The following STARD13 variants were observed in gnomAD, a reference collection of about 807,000 sequenced individuals.
STARD13 encodes the protein StAR related lipid transfer domain containing 13.
Under a neutral mutation model 106.4 loss-of-function variants are expected in STARD13, and 62 were observed. The observed-to-expected ratio is 0.58, with a 90% CI of 0.48 to 0.72. The LOEUF (loss-of-function observed/expected upper bound fraction) is 0.72. STARD13 is among the 30% of genes least tolerant of loss of function. The pLI is 0.00. For synonymous variants in STARD13, 565 were observed against 553.0 expected, an observed-to-expected ratio of 1.02 and a Z score of -0.31; for missense variants, 1,387 against 1,424.0, an observed-to-expected ratio of 0.97 and a Z score of 0.42.
intron 1 of STARD13, among the ~76,000 whole-genome samples, chr13:33,296,408 C>G (rs1350570911): frequency 7.2e-6 from 1 of 139,710 alleles, no homozygotes; most frequent in Non-Finnish European, 1.5e-5. Flanking sequence ...TAAAAATCAT[C>G]ATGATACAAC....
the STARD13 span, among the ~76,000 whole-genome samples, chr13:33,369,289 C>T: frequency 1.4e-5 from 2 of 145,514 alleles, no homozygotes; most frequent in African/African-American, 2.5e-5. Context: ...TCTGCTGACA[C>T]AGATGAAATC....
At chr13:33,505,862 A>T in the STARD13 span, among the ~76,000 whole-genome samples, 2 of 152,154 alleles carry the variant, frequency 1.3e-5, no homozygotes, top group South Asian at 4.1e-4. Context: ...TGGTCTGCAG[A>T]GTCCTGGGCA....
At chr13:33,542,296 G>A in the STARD13 span, among the ~76,000 whole-genome samples, 2 of 152,248 alleles carry the variant, frequency 1.3e-5, no homozygotes, top group East Asian at 1.9e-4. Flanking sequence ...CACTGAGACC[G>A]CACCCAGACT....
At chr13:33,511,506 G>A in the STARD13 span, 1 of 152,262 alleles carries the variant, frequency 6.6e-6, no homozygotes, top group African/African-American at 2.4e-5. Flanking sequence ...CCTGGACAAA[G>A]TGATGATGAG....
intron 8 of STARD13, among the ~76,000 whole-genome samples, chr13:33,115,589 C>T (rs974473529): frequency 1.3e-5 from 2 of 152,210 alleles, no homozygotes; most frequent in Admixed American, 6.5e-5. Flanking sequence ...CTGCAATGTA[C>T]TCAGGGAAAT....
chr13:33,485,770 A>G, the STARD13 span, among the ~76,000 whole-genome samples: 55 of 152,338 alleles, frequency 3.6e-4, no homozygotes, highest in Admixed American at 1.0e-3. Context: ...ATTTGTTTCT[A>G]AAATATTTTT....
At chr13:33,160,772 G>C (rs1282709607) in intron 3 of STARD13, among the ~76,000 whole-genome samples, 1 of 152,112 alleles carries the variant, frequency 6.6e-6, no homozygotes, top group African/African-American at 2.4e-5. Context: ...ACAATACTAA[G>C]TACTAACAAA....
At chr13:33,323,083 G>C (rs1893618529) in intron 1 of STARD13, among the ~76,000 whole-genome samples, 1 of 152,060 alleles carries the variant, frequency 6.6e-6, no homozygotes, top group Non-Finnish European at 1.5e-5. Flanking sequence ...GCAACAACCA[G>C]AGCCACCATG....
At chr13:33,213,960 T>C (rs1328809956) in intron 1 of STARD13, among the ~76,000 whole-genome samples, 1 of 152,194 alleles carries the variant, frequency 6.6e-6, no homozygotes, top group African/African-American at 2.4e-5. Flanking sequence ...CCAGGTCACG[T>C]GGCAAGGCAG....
the STARD13 span, among the ~76,000 whole-genome samples, chr13:33,581,061 A>C: frequency 1.3e-5 from 2 of 152,180 alleles, no homozygotes. Context: ...AATATGTCCT[A>C]ACCACAAAGA....
At chr13:33,633,008 T>A in the STARD13 span, among the ~76,000 whole-genome samples, 4 of 152,238 alleles carry the variant, frequency 2.6e-5, no homozygotes, top group African/African-American at 9.6e-5. Flanking sequence ...ACCAGGCTGT[T>A]ATTTTTTATT....
intron 1 of STARD13, chr13:33,271,265 C>T (rs1318161374): frequency 6.6e-6 from 1 of 152,268 alleles, no homozygotes; most frequent in Non-Finnish European, 1.5e-5. Context: ...CTTTAATACA[C>T]ACTTTTCTCT....
chr13:33,217,125 C>A (rs1313940676), intron 1 of STARD13, among the ~76,000 whole-genome samples: 1 of 152,194 alleles, frequency 6.6e-6, no homozygotes, highest in Non-Finnish European at 1.5e-5. Context: ...TGGCTGGCTT[C>A]AGGTCTCTTC....
At chr13:33,357,942 C>T in the STARD13 span, among the ~76,000 whole-genome samples, 1 of 152,234 alleles carries the variant, frequency 6.6e-6, no homozygotes, top group Non-Finnish European at 1.5e-5. Context: ...CTGGCCAAGG[C>T]TGGAGCCCAC....
chr13:33,254,011 T>G (rs529354435), intron 1 of STARD13, among the ~76,000 whole-genome samples: 1 of 152,322 alleles, frequency 6.6e-6, no homozygotes, highest in African/African-American at 2.4e-5. Flanking sequence ...ATATGCACTA[T>G]TGGGATGCAC....
chr13:33,273,476 T>C lies in STARD13; in HGVS notation c.169+11994A>G, dbSNP rs184480930. On this transcript the variant is annotated intron_variant, in intron 1 of 13. Coordinates refer to ENST00000336934, the MANE Select transcript of STARD13 (RefSeq NM_178006.4). ...TTCTAAATAGAGGGGGACTTAAGAG[T>C]ATACATATTCCATAAAATCAATAAC... 7.9e-5 allele frequency among the ~76,000 whole-genome samples: 12 copies of C among 152,296 alleles called. No individual in the cohort carries two copies. In the South Asian group the frequency reaches 8.3e-4, roughly 11 times the overall value.
intron 7 of STARD13, among the ~76,000 whole-genome samples, chr13:33,120,883 G>C (rs1438554451): frequency 6.6e-6 from 1 of 151,990 alleles, no homozygotes; most frequent in African/African-American, 2.4e-5. Context: ...GGGATTACAG[G>C]CACCTGCCAC....
chr13:33,495,291 A>C, the STARD13 span, among the ~76,000 whole-genome samples: 1 of 152,226 alleles, frequency 6.6e-6, no homozygotes, highest in African/African-American at 2.4e-5. Flanking sequence ...GCCAATTATC[A>C]TCTTAACCAT....
chr13:33,309,912 C>T (rs1893066783), intron 1 of STARD13, among the ~76,000 whole-genome samples: 1 of 152,188 alleles, frequency 6.6e-6, no homozygotes, highest in Admixed American at 6.5e-5. Flanking sequence ...GTTTTTCCTT[C>T]ATATGGAATC....
Sources: allele counts gnomAD v4.1 joint callset (sites outside exome capture counted in the v4.1 genomes callset), GRCh38; gene constraint gnomAD v4.1.1; transcripts MANE v1.5; gene names NCBI Gene and HGNC (gene_info 2026-07-23, HGNC 2026-07-21).